ARHGEF18: variants seen among roughly 807,000 people sequenced by gnomAD.
ARHGEF18 encodes rho guanine nucleotide exchange factor 18.
In ARHGEF18, 93 loss-of-function variants were observed where a neutral mutation model predicts 155.7. The observed-to-expected ratio is 0.60, with a 90% confidence interval of 0.50 to 0.71. ARHGEF18 has a LOEUF of 0.71. Ranked by LOEUF, ARHGEF18 falls within the 30% of genes least tolerant of loss-of-function variation. The pLI, the probability that ARHGEF18 is intolerant of heterozygous loss-of-function variation, is 0.00. For synonymous variants in ARHGEF18, 742 were observed against 753.1 expected, an observed-to-expected ratio of 0.99 and a Z score of 0.24; for missense variants, 1,593 against 1,816.1, an observed-to-expected ratio of 0.88 and a Z score of 2.23.
At chr19:7,477,262 T>G (rs1300710549), downstream of ARHGEF18, 3 of 1,584,358 alleles carry the variant, frequency 1.9e-6, no homozygotes, top group Non-Finnish European at 2.6e-6. Context: ...TGCTGAGGAT[T>G]GAGGAGATGG....
At position 7,463,962 on chromosome 19, in the gene ARHGEF18, G is replaced by A; in HGVS notation, c.2773+7G>A. On this transcript the variant is annotated splice_region_variant and intron_variant, in intron 22 of 28. Coordinates refer to ENST00000668164, the MANE Select transcript of ARHGEF18 (RefSeq NM_001367823.1). The surrounding 1 kb of genome is among the most constrained non-coding windows in gnomAD (Gnocchi z 5.2). ...ACAAACAGCCCCACCAAGAGTAAGAGCGGGGCCGTCTCCCCTCCTGCCTCC... is the reference window on the plus strand; with the variant it reads ...ACAAACAGCCCCACCAAGAGTAAGAACGGGGCCGTCTCCCCTCCTGCCTCC... 2 of 1,574,268 alleles carry A rather than the reference G, an allele frequency of 1.3e-6. No homozygotes were observed. Among genetic ancestry groups the A allele is most frequent in the Non-Finnish European group, 8.6e-7 (1 of 1,159,608 alleles).
rs1406054653 is a variant in ARHGEF18 at position 7,462,326 on chromosome 19, T to C, written c.2627T>C (p.Met876Thr). 2 of 1,590,748 alleles carry C rather than the reference T, an allele frequency of 1.3e-6. No homozygotes were observed. The highest frequency in any genetic ancestry group is 1.7e-6 in the Non-Finnish European group (2 of 1,169,412). The change falls in exon 21 of 29, where the codon ATG (methionine) becomes ACG (threonine). Residue 876 changes from methionine (M) to threonine (T), a missense_variant. Transcript: ENST00000668164. The surrounding 1 kb of genome is among the most constrained non-coding windows in gnomAD (Gnocchi z 4.4). ...LQGELILKSAMSEIEGIQSLI... is the reference protein window; with the variant it reads ...LQGELILKSATSEIEGIQSLI... Reference sequence around the variant, plus strand: ...GGGGAGCTAATTCTCAAGTCGGCCATGAGCGAGAGTAAGTTGGCTGCCCAC... The same window carrying C: ...GGGGAGCTAATTCTCAAGTCGGCCACGAGCGAGAGTAAGTTGGCTGCCCAC...
intron 3 of ARHGEF18, among the ~76,000 whole-genome samples, chr19:7,374,608 A>G (rs1343241835): frequency 6.6e-6 from 1 of 151,470 alleles, no homozygotes; most frequent in Admixed American, 6.6e-5. Context: ...AACCCAGGAG[A>G]CAGAGGTTGC....
rs1976930427 is a variant in ARHGEF18 at position 7,470,085 on chromosome 19, C to T, written c.3914-41C>T. The T allele has an allele frequency of 1.2e-6, 2 of 1,611,262 alleles. No individual in the cohort carries two copies. Among genetic ancestry groups the T allele is most frequent in the African/African-American group, 1.3e-5 (1 of 74,860 alleles). On this transcript the variant is annotated intron_variant, in intron 28 of 28. Transcript: ENST00000668164. The surrounding 1 kb of genome is among the most constrained non-coding windows in gnomAD (Gnocchi z 5.9). ...TCCCAGGGCAGCGGGGCTGCGGCAC[C>T]ACCCGGCGACTGCTCAGTCTGAACC...
At chr19:7,373,952 A>C (rs1002190471) in intron 3 of ARHGEF18, among the ~76,000 whole-genome samples, 3 of 147,938 alleles carry the variant, frequency 2.0e-5, no homozygotes, top group African/African-American at 7.6e-5. Flanking sequence ...GTAGAGATGG[A>C]GTTTTACCAT....
Position 7,451,144 on chromosome 19 carries a change from C to T in ARHGEF18, c.1738-5C>T, listed in dbSNP as rs1277564574. On this transcript the variant is annotated splice_region_variant and splice_polypyrimidine_tract_variant and intron_variant, in intron 15 of 28. Coordinates refer to ENST00000668164, the MANE Select transcript of ARHGEF18 (RefSeq NM_001367823.1). ...TAATACAGGATCTTGCTTTCTGTTT[C>T]CTAGAAAATTGGCAACTTCTCCATC... The T allele has an allele frequency of 1.2e-6, 2 of 1,612,958 alleles. No homozygotes were observed. The highest frequency in any genetic ancestry group is 1.7e-6 in the Non-Finnish European group (2 of 1,179,588).
At chr19:7,451,399 C>T in intron 16 of ARHGEF18, 133 bp downstream of exon 16, 1 of 582,934 alleles carries the variant, frequency 1.7e-6, no homozygotes, top group Non-Finnish European at 2.8e-6. Context: ...TGCTGGGGTT[C>T]CTTCCTTTTT....
intron 10 of ARHGEF18, among the ~76,000 whole-genome samples, chr19:7,435,720 TAATC>T (rs892461972): frequency 4.6e-5 from 7 of 152,200 alleles, no homozygotes; most frequent in African/African-American, 1.7e-4. Flanking sequence ...TAAAAGGACA[TAATC>T]AATACAGCGG....
chr19:7,462,062 G>T lies in ARHGEF18; in HGVS notation c.2453-90G>T, dbSNP rs1050459605. 4 of 1,513,836 alleles carry T rather than the reference G, an allele frequency of 2.6e-6. No homozygotes were observed. Among genetic ancestry groups the T allele is most frequent in the African/African-American group, 2.7e-5 (2 of 72,938 alleles). The allele number at this position is 1,513,836 out of a possible 1,614,324, so 93.8% of individuals were successfully genotyped here. On this transcript the variant is annotated intron_variant, in intron 20 of 28. Transcript: ENST00000668164. The surrounding 1 kb of genome is among the most constrained non-coding windows in gnomAD (Gnocchi z 4.4). ...GCCTACCTCAGGGCAGGGCCAGCGG[G>T]GTTCCTCATCCTTAGGCCAGTCCCC... is the stretch of plus-strand genomic sequence containing the variant.
At chr19:7,474,388 T>TA (rs1031356374), downstream of ARHGEF18, among the ~76,000 whole-genome samples, 3 of 147,538 alleles carry the variant, frequency 2.0e-5, no homozygotes, top group South Asian at 2.1e-4. Flanking sequence ...TTTTTATTTA[T>TA]TTTTTTGACA....
intron 2 of ARHGEF18, among the ~76,000 whole-genome samples, chr19:7,371,313 CTGGAGATAGA>C (rs1970196200): frequency 6.6e-6 from 1 of 152,058 alleles, no homozygotes; most frequent in South Asian, 2.1e-4. Context: ...TGAGAAAGTT[CTGGAGATAGA>C]TGGAGGTGAT....
At chr19:7,478,201 T>C in the ARHGEF18 span, 2 of 1,160,900 alleles carry the variant, frequency 1.7e-6, 1 homozygote, top group South Asian at 2.8e-5. Context: ...GACTCCCCCA[T>C]GACCTGAGCA....
At chr19:7,411,075 A>G (rs1490148372) in intron 10 of ARHGEF18, among the ~76,000 whole-genome samples, 3 of 151,970 alleles carry the variant, frequency 2.0e-5, no homozygotes, top group Non-Finnish European at 4.4e-5. Context: ...ATACCAGAAA[A>G]TAGTGTGAAA....
intron 1 of ARHGEF18, among the ~76,000 whole-genome samples, chr19:7,349,786 T>A (rs1363509318): frequency 6.6e-6 from 1 of 152,010 alleles, no homozygotes; most frequent in Admixed American, 6.6e-5. Flanking sequence ...TAGAGCTCCT[T>A]GTAGCCAAGG....
rs1396089708 is a variant in ARHGEF18, at chr19:7,463,652, G to A, written c.2636-166G>A. On this transcript the variant is annotated intron_variant, in intron 21 of 28. Transcript: ENST00000668164. This position sits in a 1 kb window ranked among gnomAD's most constrained non-coding sequence, Gnocchi z 5.2. ...GTGGCCATACCTGAAGTAAGGGTGT[G>A]CGCAGGGACAGTGGGGCTGAAATCC... Among the ~76,000 whole-genome samples the A allele has an allele frequency of 3.9e-5, 6 of 152,196 alleles. No homozygotes were observed.
intron 1 of ARHGEF18, among the ~76,000 whole-genome samples, chr19:7,358,374 A>C (rs1969412076): frequency 6.6e-6 from 1 of 151,586 alleles, no homozygotes; most frequent in Admixed American, 6.6e-5. Context: ...CCACTCATAC[A>C]TCCAATTATC....
rs551349860 is a variant in ARHGEF18, at chr19:7,363,325, G to A, written c.15+420G>A. Among the ~76,000 whole-genome samples the A allele has an allele frequency of 2.5e-3, 384 of 152,120 alleles. 1 individual carries two copies. Among genetic ancestry groups the A allele is most frequent in the African/African-American group, 9.0e-3 (373 of 41,510 alleles). ...AGGAAAGATGGGTAGAAGTGTGGGT[G>A]AATGGATAAATGGATGATGGGTGAA... is the stretch of plus-strand genomic sequence containing the variant. On this transcript the variant is annotated intron_variant, in intron 2 of 28. Coordinates refer to ENST00000668164, the MANE Select transcript of ARHGEF18 (RefSeq NM_001367823.1).
chr19:7,453,671 T>G lies in ARHGEF18; in HGVS notation c.2060T>G (p.Leu687Arg). Residue 687 changes from leucine to arginine, a missense_variant, in exon 17 of 29, where the codon CTG (leucine) becomes CGG (arginine). Leu to Arg is a moderately radical substitution (Grantham distance 102). Coordinates refer to ENST00000668164, the MANE Select transcript of ARHGEF18 (RefSeq NM_001367823.1). Reference protein sequence around the residue: ...KEDMLQRQLHLEGMLCWKTTS... With the variant: ...KEDMLQRQLHREGMLCWKTTS... ...GACATGCTTCAGCGGCAGCTCCACC[T>G]GGAGGGCATGCTATGCTGGAAGACC... 1 of 1,601,736 alleles carries G rather than the reference T, an allele frequency of 6.2e-7. No individual in the cohort carries two copies. Among genetic ancestry groups the G allele is most frequent in the Non-Finnish European group, 8.5e-7 (1 of 1,171,512 alleles).
At chr19:7,381,625 C>G (rs1283687569) in intron 8 of ARHGEF18, among the ~76,000 whole-genome samples, 2 of 151,790 alleles carry the variant, frequency 1.3e-5, no homozygotes, top group Admixed American at 6.6e-5. Flanking sequence ...TTGCAGTGAG[C>G]CAAGATCACG....
Sources: allele counts gnomAD v4.1 joint callset (sites outside exome capture counted in the v4.1 genomes callset), GRCh38; gene constraint gnomAD v4.1.1; non-coding constraint Gnocchi (gnomAD v3.1); transcripts MANE v1.5; gene names NCBI Gene and HGNC (gene_info 2026-07-23, HGNC 2026-07-21).